Variants in SLC24A2 observed in about 807,000 individuals in gnomAD.
SLC24A2 encodes solute carrier family 24 member 2.
In SLC24A2, 36 loss-of-function variants were observed where a neutral mutation model predicts 62.0. The ratio of observed to expected loss-of-function variants is 0.58; its 90% confidence interval spans 0.44 to 0.77. SLC24A2 has a LOEUF of 0.77. Ranked by LOEUF, SLC24A2 falls within the 30% of genes least tolerant of loss-of-function variation. The probability of loss-of-function intolerance (pLI) is 0.00; values close to 1 mark genes in which losing one functional copy is unlikely to be tolerated. For missense variants in SLC24A2, 846 were observed against 817.9 expected (o/e 1.03, Z -0.42); for synonymous variants, 358 against 294.0 (o/e 1.22, Z -2.23).
chr9:20,264,704 T>C, the SLC24A2 span, among the ~76,000 whole-genome samples: 1 of 152,320 alleles, frequency 6.6e-6, no homozygotes, highest in East Asian at 1.9e-4. Flanking sequence ...AAATAACCTG[T>C]GGTAAAATAT....
the SLC24A2 span, among the ~76,000 whole-genome samples, chr9:19,815,619 G>A: frequency 3.3e-5 from 5 of 152,004 alleles, no homozygotes; most frequent in African/African-American, 9.7e-5. Context: ...AGAAAAATGC[G>A]TTATGCACAA....
chr9:19,659,847 C>T (rs182031298), intron 2 of SLC24A2, among the ~76,000 whole-genome samples: 3 of 152,266 alleles, frequency 2.0e-5, no homozygotes, highest in Admixed American at 2.0e-4. Context: ...TTTAAACATG[C>T]TTGAGAGTTT....
the SLC24A2 span, among the ~76,000 whole-genome samples, chr9:20,251,354 C>T: frequency 6.7e-6 from 1 of 148,512 alleles, no homozygotes; most frequent in Non-Finnish European, 1.5e-5. Context: ...TGAGCTTTCT[C>T]ATCCTCTTTG....
At chr9:20,091,826 G>C in the SLC24A2 span, among the ~76,000 whole-genome samples, 1 of 152,050 alleles carries the variant, frequency 6.6e-6, no homozygotes, top group African/African-American at 2.4e-5. Flanking sequence ...AACCAGCAAA[G>C]ACATGGAATC....
rs1832882829 is a variant in SLC24A2 at position 19,515,327 on chromosome 9, C to G, written c.*826G>C. 1.3e-5 allele frequency: 2 copies of G among 152,136 alleles called. No individual in the cohort carries two copies. The highest frequency in any genetic ancestry group is 2.9e-5 in the Non-Finnish European group (2 of 68,034). The allele number at this position is 152,136 out of a possible 1,614,324, so 9.4% of individuals were successfully genotyped here. ...AGCCTGGGTTTTTACCTCTTTCTGT[C>G]CTAAGTACCCTGAGTTTCTTGGTCA... On this transcript the variant is annotated 3_prime_UTR_variant, in exon 11 of 11. Coordinates refer to ENST00000341998, the MANE Select transcript of SLC24A2 (RefSeq NM_020344.4).
the SLC24A2 span, chr9:19,895,914 C>A: frequency 6.2e-7 from 1 of 1,613,520 alleles, no homozygotes; most frequent in Non-Finnish European, 8.5e-7. Context: ...CAAATTCTAA[C>A]ATCCTCCTCA....
chr9:19,986,120 G>C, the SLC24A2 span, among the ~76,000 whole-genome samples: 3 of 151,918 alleles, frequency 2.0e-5, no homozygotes, highest in Non-Finnish European at 4.4e-5. Flanking sequence ...AATAGGCAAA[G>C]GACTTAAATA....
At chr9:19,893,736 G>A in the SLC24A2 span, among the ~76,000 whole-genome samples, 1 of 151,336 alleles carries the variant, frequency 6.6e-6, no homozygotes, top group African/African-American at 2.4e-5. Flanking sequence ...TTGACTGCAA[G>A]TGACAGGAAC....
chr9:20,169,289 A>G, the SLC24A2 span, among the ~76,000 whole-genome samples: 2 of 152,002 alleles, frequency 1.3e-5, no homozygotes, highest in South Asian at 4.1e-4. Context: ...GACAGGAAAA[A>G]GTACTAGATT....
At chr9:20,134,813 G>T in the SLC24A2 span, among the ~76,000 whole-genome samples, 1 of 152,138 alleles carries the variant, frequency 6.6e-6, no homozygotes, top group African/African-American at 2.4e-5. Context: ...ATTCTGCTAT[G>T]CAGAAATGGA....
At chr9:19,970,004 T>C in the SLC24A2 span, among the ~76,000 whole-genome samples, 40 of 152,168 alleles carry the variant, frequency 2.6e-4, no homozygotes, top group Non-Finnish European at 4.7e-4. Flanking sequence ...CATATTTCTG[T>C]GGCCTTGCTT....
chr9:19,810,126 G>A, the SLC24A2 span, among the ~76,000 whole-genome samples: 1 of 152,186 alleles, frequency 6.6e-6, no homozygotes, highest in African/African-American at 2.4e-5. Context: ...GAGAGAGTAA[G>A]TGGTATACTG....
the SLC24A2 span, among the ~76,000 whole-genome samples, chr9:20,036,956 C>T: frequency 0.017 from 2,563 of 151,878 alleles, 55 homozygotes; most frequent in African/African-American, 0.056. Context: ...AGTGCAATGG[C>T]GTGATCTCAG....
chr9:19,729,855 TAGA>T (rs1272425389), intron 2 of SLC24A2, among the ~76,000 whole-genome samples: 18 of 152,202 alleles, frequency 1.2e-4, no homozygotes, highest in African/African-American at 2.6e-4. Context: ...TTCAAGTAGC[TAGA>T]AGAAGGATAT....
At chr9:19,722,641 T>C (rs1003544127) in intron 2 of SLC24A2, among the ~76,000 whole-genome samples, 1 of 110,430 alleles carries the variant, frequency 9.1e-6, no homozygotes, top group Non-Finnish European at 1.8e-5. Context: ...CTCTGGGAAG[T>C]TAAGAAATAG....
chr9:20,248,368 A>C, the SLC24A2 span, among the ~76,000 whole-genome samples: 1 of 152,258 alleles, frequency 6.6e-6, no homozygotes, highest in Non-Finnish European at 1.5e-5. Context: ...CAAATATGCC[A>C]TAAGCTGAGT....
the SLC24A2 span, among the ~76,000 whole-genome samples, chr9:20,111,701 T>C: frequency 6.6e-6 from 1 of 152,112 alleles, no homozygotes; most frequent in African/African-American, 2.4e-5. Context: ...GACATTAAAG[T>C]TTGAAAAGCA....
At chr9:20,206,535 G>A in the SLC24A2 span, among the ~76,000 whole-genome samples, 1 of 152,090 alleles carries the variant, frequency 6.6e-6, no homozygotes, top group African/African-American at 2.4e-5. Flanking sequence ...TGTCGCCCAG[G>A]CTGGAGTGCA....
chr9:19,793,587 G>C (rs528145805), upstream of SLC24A2, among the ~76,000 whole-genome samples: 1 of 152,318 alleles, frequency 6.6e-6, no homozygotes, highest in East Asian at 1.9e-4. Flanking sequence ...ATGAACTAGA[G>C]TGTTTGCTAA....
Sources: gnomAD v4.1 joint callset for allele counts (sites outside exome capture counted in the v4.1 genomes callset) on GRCh38, gnomAD v4.1.1 for gene constraint, MANE v1.5 for transcripts, NCBI Gene and HGNC (gene_info 2026-07-23, HGNC 2026-07-21) for gene names.